Variants in GPHN observed in about 807,000 individuals in gnomAD.
GPHN encodes the protein gephyrin.
In GPHN, 17 loss-of-function variants were observed where a neutral mutation model predicts 95.5. That is an observed-to-expected ratio of 0.18 (90% CI 0.12 to 0.27). The LOEUF is 0.27. Ranked by LOEUF, GPHN falls within the 10% of genes least tolerant of loss-of-function variation. The pLI is 1.00. For synonymous variants in GPHN, 320 were observed against 322.5 expected, an observed-to-expected ratio of 0.99 and a Z score of 0.08; for missense variants, 660 against 978.1, an observed-to-expected ratio of 0.67 and a Z score of 4.34.
At chr14:66,788,766 C>T (rs569744633) in intron 3 of GPHN, among the ~76,000 whole-genome samples, 1 of 152,172 alleles carries the variant, frequency 6.6e-6, no homozygotes, top group Non-Finnish European at 1.5e-5. Flanking sequence ...AAGTGACTCT[C>T]CTACCTCAGC....
chr14:67,076,469 A>G (rs1408788566), intron 11 of GPHN, among the ~76,000 whole-genome samples: 1 of 152,136 alleles, frequency 6.6e-6, no homozygotes, highest in Non-Finnish European at 1.5e-5. Context: ...AAGTTTTTTT[A>G]ATGATGTAGA....
intron 3 of GPHN, among the ~76,000 whole-genome samples, chr14:66,806,673 G>T (rs1193977452): frequency 2.6e-5 from 4 of 152,172 alleles, no homozygotes; most frequent in Non-Finnish European, 5.9e-5. Context: ...TCAAAATGCT[G>T]CCAGTCTCTT....
chr14:67,021,265 A>C (rs1277520319), intron 9 of GPHN, among the ~76,000 whole-genome samples: 1 of 152,106 alleles, frequency 6.6e-6, no homozygotes, highest in Non-Finnish European at 1.5e-5. Flanking sequence ...AATTCTTATA[A>C]TCATTGATAT....
intron 9 of GPHN, among the ~76,000 whole-genome samples, chr14:67,008,820 T>C (rs1459239027): frequency 6.6e-6 from 1 of 152,170 alleles, no homozygotes; most frequent in Non-Finnish European, 1.5e-5. Context: ...GTGCTGGGAT[T>C]ACAGGTGTTA....
At chr14:67,674,490 G>A in the GPHN span, 1 of 1,600,082 alleles carries the variant, frequency 6.2e-7, no homozygotes, top group South Asian at 1.1e-5. Flanking sequence ...AGGAGGCCAT[G>A]GCGCAGGCCG....
chr14:66,668,738 C>T (rs1360220951), intron 1 of GPHN, among the ~76,000 whole-genome samples: 1 of 152,116 alleles, frequency 6.6e-6, no homozygotes, highest in African/African-American at 2.4e-5. Context: ...CCATGACACA[C>T]GTTTACCTGT....
the GPHN span, among the ~76,000 whole-genome samples, chr14:67,190,776 G>A: frequency 6.6e-6 from 1 of 152,198 alleles, no homozygotes; most frequent in Admixed American, 6.5e-5. Flanking sequence ...ACCTAGAATT[G>A]TGCTGGACCT....
intron 10 of GPHN, among the ~76,000 whole-genome samples, chr14:67,056,254 A>G (rs192468248): frequency 9.3e-4 from 142 of 152,302 alleles, no homozygotes; most frequent in African/African-American, 3.2e-3. Context: ...CTTGAGCTAG[A>G]CACAGAGTGC....
At chr14:67,284,111 G>A in the GPHN span, among the ~76,000 whole-genome samples, 2 of 152,090 alleles carry the variant, frequency 1.3e-5, no homozygotes. Context: ...CACACTACAG[G>A]TTTGAATGAA....
chr14:66,995,670 C>A (rs2071734332), intron 9 of GPHN, among the ~76,000 whole-genome samples: 1 of 152,174 alleles, frequency 6.6e-6, no homozygotes, highest in African/African-American at 2.4e-5. Context: ...GATTCTTCTA[C>A]TGTCATCTTT....
At chr14:66,834,275 TAC>T (rs1350970970) in intron 4 of GPHN, among the ~76,000 whole-genome samples, 1 of 152,162 alleles carries the variant, frequency 6.6e-6, no homozygotes, top group Admixed American at 6.6e-5. Flanking sequence ...ACCCAAAACA[TAC>T]ATCCTCTATT....
chr14:67,200,330 T>C, the GPHN span: 1 of 652,696 alleles, frequency 1.5e-6, no homozygotes, highest in Non-Finnish European at 2.7e-6. Flanking sequence ...CTCAGTAAAT[T>C]CACATTTTCC....
intron 2 of GPHN, among the ~76,000 whole-genome samples, chr14:66,744,522 G>C (rs1595759947): frequency 9.3e-6 from 1 of 107,682 alleles, no homozygotes; most frequent in Admixed American, 8.7e-5. Flanking sequence ...CTAATGTTTA[G>C]AGTAAACAGT....
At chr14:66,762,699 A>G (rs973229717) in intron 2 of GPHN, among the ~76,000 whole-genome samples, 5 of 152,292 alleles carry the variant, frequency 3.3e-5, no homozygotes, top group African/African-American at 1.2e-4. Flanking sequence ...AATGCCTAAC[A>G]CAATGCCTAT....
the GPHN span, among the ~76,000 whole-genome samples, chr14:67,686,408 G>A: frequency 6.6e-6 from 1 of 152,056 alleles, no homozygotes; most frequent in Non-Finnish European, 1.5e-5. Context: ...GGAGGCCAAG[G>A]CAGGTGGACT....
At chr14:66,545,630 C>G (rs548121812) in intron 1 of GPHN, among the ~76,000 whole-genome samples, 1 of 106,530 alleles carries the variant, frequency 9.4e-6, no homozygotes, top group Non-Finnish European at 1.8e-5. Flanking sequence ...ACCTCCCTCC[C>G]GGACAGGGTG....
chr14:67,037,254 C>T (rs2074466937), intron 10 of GPHN, among the ~76,000 whole-genome samples: 1 of 151,956 alleles, frequency 6.6e-6, no homozygotes, highest in Non-Finnish European at 1.5e-5. Flanking sequence ...AAGACAGACC[C>T]TTATCTTATA....
chr14:67,076,256 T>C (rs59774616), intron 11 of GPHN, among the ~76,000 whole-genome samples: 39,341 of 152,136 alleles, frequency 0.26, 10,373 homozygotes, highest in African/African-American at 0.65. Context: ...ATAAAGTATT[T>C]TTTAAATTAA....
At chr14:66,668,796 A>G (rs572328177) in intron 1 of GPHN, among the ~76,000 whole-genome samples, 103 of 152,314 alleles carry the variant, frequency 6.8e-4, no homozygotes, top group African/African-American at 2.2e-3. Context: ...CTTAAAAAAG[A>G]AAAAGTGCTT....
Sources: gnomAD v4.1 joint callset for allele counts (sites outside exome capture counted in the v4.1 genomes callset) on GRCh38, gnomAD v4.1.1 for gene constraint, MANE v1.5 for transcripts, NCBI Gene and HGNC (gene_info 2026-07-23, HGNC 2026-07-21) for gene names.